PCDHA3: variants seen among roughly 807,000 people sequenced by gnomAD.
PCDHA3 encodes protocadherin alpha-3.
A neutral mutation model predicts 62.2 loss-of-function variants in PCDHA3; 41 were observed. The ratio of observed to expected loss-of-function variants is 0.66; its 90% confidence interval spans 0.51 to 0.86. The LOEUF is 0.86. Among genes scored for constraint, PCDHA3 ranks in the 40% least tolerant of loss-of-function variants. PCDHA3 has a pLI of 0.00. For missense variants in PCDHA3, 1,304 were observed against 1,241.2 expected (o/e 1.05, Z -0.76); for synonymous variants, 640 against 555.4 (o/e 1.15, Z -2.14).
intron 1 of PCDHA3, among the ~76,000 whole-genome samples, chr5:140,909,245 G>T (rs189143592): frequency 2.6e-5 from 4 of 152,288 alleles, no homozygotes; most frequent in African/African-American, 7.2e-5. Flanking sequence ...AAGATATATT[G>T]CTGGCCTTGC....
In PCDHA3 at chr5:140,928,392, G is replaced by A. The variant is rs17844366; in HGVS notation, c.2395-50557G>A. 2.0e-4 allele frequency: 326 copies of A among 1,614,052 alleles called. No homozygotes were observed. The East Asian group carries it at 6.6e-3, about 32-fold the overall frequency. Reference sequence around the variant, plus strand: ...CATCAGCCTCTAGCTTGCTGGCAGTGGAATCATCCAGTGGGGCCATCACTG... The same window carrying A: ...CATCAGCCTCTAGCTTGCTGGCAGTAGAATCATCCAGTGGGGCCATCACTG... On this transcript the variant is annotated intron_variant, in intron 1 of 3. Transcript: ENST00000522353.
chr5:140,863,150 AC>A (rs1554157831), intron 1 of PCDHA3: 2 of 619,160 alleles, frequency 3.2e-6, no homozygotes, highest in Non-Finnish European at 6.2e-6. Context: ...CTGGTGAAGG[AC>A]CACTGCGAGC....
intron 1 of PCDHA3, chr5:140,865,406 G>A (rs899888055): frequency 4.6e-5 from 7 of 152,130 alleles, no homozygotes; most frequent in African/African-American, 1.4e-4. Flanking sequence ...ATGCTGAAAA[G>A]GAATTAGTAG....
In PCDHA3 at chr5:140,843,447, G is replaced by T. The variant is rs2150360204; in HGVS notation, c.2394+39856G>T. The stretch of plus-strand genomic sequence containing the variant: ...ATCATCGCCATCTGCGCGGTATCCA[G>T]CCTGCTGGTGCTCACGCTGCTGCTG... On this transcript the variant is annotated intron_variant, in intron 1 of 3. Coordinates refer to ENST00000522353, the MANE Select transcript of PCDHA3 (RefSeq NM_018906.3). 44 of 1,596,056 alleles carry T rather than the reference G, an allele frequency of 2.8e-5. 4 individuals carry two copies. The highest frequency in any genetic ancestry group is 3.3e-4 in the Middle Eastern group (2 of 6,002).
At chr5:140,875,780 G>C in intron 1 of PCDHA3, 3 of 1,614,128 alleles carry the variant, frequency 1.9e-6, no homozygotes, top group Admixed American at 3.3e-5. Flanking sequence ...GCGGAGTGCA[G>C]TATCCACCTG....
chr5:140,883,862 C>T (rs1467289225), intron 1 of PCDHA3: 3 of 1,613,000 alleles, frequency 1.9e-6, no homozygotes, highest in Non-Finnish European at 1.7e-6. Flanking sequence ...GGAGCTGTTG[C>T]AGTTCCAGGT....
chr5:140,998,158 T>C (rs1306702034), intron 3 of PCDHA3, among the ~76,000 whole-genome samples: 1 of 152,232 alleles, frequency 6.6e-6, no homozygotes, highest in Non-Finnish European at 1.5e-5. Context: ...AGTTAAGCCA[T>C]GTGCCAAGTA....
Position 140,851,540 on chromosome 5 carries a change from T to C in PCDHA3, c.2394+47949T>C, listed in dbSNP as rs374686932. 3.9e-5 allele frequency: 35 copies of C among 908,070 alleles called. 3 individuals carry two copies. The East Asian group carries it at 1.2e-3, about 30-fold the overall frequency. 56.3% of individuals were successfully genotyped at this position (908,070 alleles called of 1,614,324 possible). A position where few individuals can be genotyped will look rare whatever the true frequency, so the allele number is the denominator to read the frequency against. On this transcript the variant is annotated intron_variant, in intron 1 of 3. Coordinates refer to ENST00000522353, the MANE Select transcript of PCDHA3 (RefSeq NM_018906.3). ...TTAAAATGCCTGACAATGTAGATAA[T>C]TCAAGAAATGTTGACTGAAATTTTG...
chr5:140,871,656 A>C, intron 1 of PCDHA3: 1 of 1,231,284 alleles, frequency 8.1e-7, no homozygotes, highest in Non-Finnish European at 1.1e-6. Flanking sequence ...AATGATACAC[A>C]TCTTCAGTCT....
chr5:141,002,494 C>CGGT (rs2098083464), intron 3 of PCDHA3, among the ~76,000 whole-genome samples: 1 of 152,228 alleles, frequency 6.6e-6, no homozygotes, highest in Admixed American at 6.5e-5. Flanking sequence ...CCTTGTTATA[C>CGGT]AGCTCAGGAT....
chr5:140,848,405 C>T, intron 1 of PCDHA3: 2 of 1,329,956 alleles, frequency 1.5e-6, no homozygotes, highest in Non-Finnish European at 2.1e-6. Flanking sequence ...TGAACGATGG[C>T]GAACACAGCA....
intron 1 of PCDHA3, chr5:140,843,571 C>G: frequency 1.3e-6 from 2 of 1,595,974 alleles, no homozygotes; most frequent in Non-Finnish European, 1.7e-6. Context: ...GCTGGTCATA[C>G]TCGCAACAAC....
chr5:140,836,438 C>T (rs2150261079), intron 1 of PCDHA3: 1 of 1,613,840 alleles, frequency 6.2e-7, no homozygotes, highest in African/African-American at 1.3e-5. Context: ...CATCGTTGGG[C>T]ATTGCAGGCC....
rs781990926 is a variant in PCDHA3, at chr5:140,809,277, A to G, written c.2394+5686A>G. 3.7e-6 allele frequency: 6 copies of G among 1,614,112 alleles called. No individual in the cohort carries two copies. The East Asian group carries it at 6.7e-5, about 18-fold the overall frequency. On this transcript the variant is annotated intron_variant, in intron 1 of 3. Transcript: ENST00000522353. Reference sequence around the variant, plus strand: ...CCCGATGCTGCGCTGGTGGATGTCAACGTATACCTGATCATTGCCATCTGC... The same window carrying G: ...CCCGATGCTGCGCTGGTGGATGTCAGCGTATACCTGATCATTGCCATCTGC...
chr5:140,845,773 A>G lies in PCDHA3; in HGVS notation c.2394+42182A>G, dbSNP rs1780027224. Among the ~76,000 whole-genome samples, 2 of 149,724 alleles carry G rather than the reference A, an allele frequency of 1.3e-5. 1 individual carries two copies. Among genetic ancestry groups the G allele is most frequent in the Non-Finnish European group, 3.0e-5 (2 of 66,920 alleles). ...TTGTATCAAGTAAGTTAATAGTTAT[A>G]AATTATTAATAATAAACTCTGGCAA... On this transcript the variant is annotated intron_variant, in intron 1 of 3. Transcript: ENST00000522353.
chr5:140,946,997 C>A (rs2094069050), intron 1 of PCDHA3, among the ~76,000 whole-genome samples: 1 of 151,382 alleles, frequency 6.6e-6, no homozygotes. Context: ...GTTCTAACTT[C>A]AAAGAAATGA....
intron 1 of PCDHA3, chr5:140,850,154 G>C (rs2150469964): frequency 6.3e-7 from 1 of 1,595,410 alleles, no homozygotes; most frequent in Non-Finnish European, 8.6e-7. Flanking sequence ...CGCTGCAGGT[G>C]TTCGTGCTGG....
At chr5:140,841,613 C>A in intron 1 of PCDHA3, 3 of 1,614,080 alleles carry the variant, frequency 1.9e-6, no homozygotes, top group Non-Finnish European at 2.5e-6. Context: ...GCTGTGCGGG[C>A]GGAGCGCGGA....
Position 140,956,653 on chromosome 5 carries a change from G to A in PCDHA3, c.2395-22296G>A, listed in dbSNP as rs146062919. ...TGCCAGGTTTTGGTATCAGGATGAT[G>A]CTGGCCTTAAAGGAGTTAGGGAGGA... On this transcript the variant is annotated intron_variant, in intron 1 of 3. Transcript: ENST00000522353. 5.2e-4 allele frequency among the ~76,000 whole-genome samples: 79 copies of A among 152,240 alleles called. 1 individual carries two copies. The highest frequency in any genetic ancestry group is 1.9e-3 in the African/African-American group (79 of 41,558).
Sources: allele counts gnomAD v4.1 joint callset (sites outside exome capture counted in the v4.1 genomes callset), GRCh38; gene constraint gnomAD v4.1.1; transcripts MANE v1.5; gene names NCBI Gene and HGNC (gene_info 2026-07-23, HGNC 2026-07-21).